ZNF804B: variants seen among roughly 807,000 people sequenced by gnomAD.
The protein encoded by ZNF804B is zinc finger 804B.
Under a neutral mutation model 101.4 loss-of-function variants are expected in ZNF804B, and 80 were observed. The observed-to-expected ratio is 0.79, with a 90% CI of 0.66 to 0.95. The LOEUF is 0.95. Ranked by LOEUF, ZNF804B falls within the 40% of genes least tolerant of loss-of-function variation. The probability of loss-of-function intolerance (pLI) is 0.00; values close to 1 mark genes in which losing one functional copy is unlikely to be tolerated. For synonymous variants in ZNF804B, 622 were observed against 558.8 expected, an observed-to-expected ratio of 1.11 and a Z score of -1.59; for missense variants, 1,673 against 1,561.9, an observed-to-expected ratio of 1.07 and a Z score of -1.20.
At chr7:88,896,290 T>A (rs568468823) in intron 1 of ZNF804B, among the ~76,000 whole-genome samples, 14 of 152,290 alleles carry the variant, frequency 9.2e-5, no homozygotes, top group African/African-American at 3.4e-4. Flanking sequence ...TAATATAAGA[T>A]GCCAGTAATA....
chr7:88,924,195 G>A (rs771559487), intron 1 of ZNF804B, among the ~76,000 whole-genome samples: 1 of 151,958 alleles, frequency 6.6e-6, no homozygotes, highest in African/African-American at 2.4e-5. Flanking sequence ...TACAATTTAT[G>A]TATGTTCTTG....
intron 1 of ZNF804B, among the ~76,000 whole-genome samples, chr7:88,838,225 G>A (rs1255885597): frequency 6.6e-6 from 1 of 151,714 alleles, no homozygotes; most frequent in Admixed American, 6.6e-5. Flanking sequence ...TTGTTTGTAA[G>A]GAAAGTACAA....
intron 2 of ZNF804B, among the ~76,000 whole-genome samples, chr7:89,321,633 GAA>G (rs1266563822): frequency 1.3e-5 from 2 of 151,760 alleles, no homozygotes; most frequent in Non-Finnish European, 2.9e-5. Flanking sequence ...AGAAAAAAGA[GAA>G]AAGAGAGAAA....
intron 1 of ZNF804B, among the ~76,000 whole-genome samples, chr7:88,788,486 C>T (rs917473272): frequency 3.3e-5 from 5 of 152,106 alleles, no homozygotes; most frequent in East Asian, 3.9e-4. Flanking sequence ...CACTGACCAC[C>T]GAATGTAAAC....
intron 1 of ZNF804B, among the ~76,000 whole-genome samples, chr7:88,863,632 T>C (rs979234): frequency 0.028 from 4,312 of 152,218 alleles, 216 homozygotes; most frequent in African/African-American, 0.098. Context: ...ACAAGGTGAT[T>C]TGGTAAAAAG....
intron 1 of ZNF804B, among the ~76,000 whole-genome samples, chr7:89,115,283 G>A (rs1191304710): frequency 6.6e-6 from 1 of 152,120 alleles, no homozygotes; most frequent in Non-Finnish European, 1.5e-5. Flanking sequence ...CCAAACATGG[G>A]CCAGAAGACC....
At chr7:88,813,731 T>C (rs1790829324) in intron 1 of ZNF804B, among the ~76,000 whole-genome samples, 1 of 152,202 alleles carries the variant, frequency 6.6e-6, no homozygotes, top group Non-Finnish European at 1.5e-5. Context: ...ACCCGTCCTT[T>C]TTGAAATGTA....
intron 2 of ZNF804B, among the ~76,000 whole-genome samples, chr7:89,307,609 A>G (rs1185210535): frequency 6.6e-6 from 1 of 152,082 alleles, no homozygotes; most frequent in Non-Finnish European, 1.5e-5. Context: ...TAAAAGAAAC[A>G]GTATATAAAA....
intron 2 of ZNF804B, among the ~76,000 whole-genome samples, chr7:89,325,585 AG>A (rs1307224267): frequency 1.3e-5 from 2 of 152,026 alleles, no homozygotes; most frequent in Non-Finnish European, 2.9e-5. Context: ...CAAAAATAAA[AG>A]TATAGTCCTG....
chr7:88,895,525 A>G (rs962806957), intron 1 of ZNF804B, among the ~76,000 whole-genome samples: 3 of 152,220 alleles, frequency 2.0e-5, no homozygotes, highest in Admixed American at 2.0e-4. Context: ...CCTAGAAGCG[A>G]TGATACCCCA....
intron 1 of ZNF804B, among the ~76,000 whole-genome samples, chr7:88,890,589 G>A (rs1457702553): frequency 6.6e-5 from 10 of 152,132 alleles, no homozygotes; most frequent in Admixed American, 5.9e-4. Context: ...GTAGATTTCT[G>A]TGCAGTTTTA....
At chr7:89,047,241 T>C (rs1789124109) in intron 1 of ZNF804B, among the ~76,000 whole-genome samples, 1 of 152,186 alleles carries the variant, frequency 6.6e-6, no homozygotes, top group African/African-American at 2.4e-5. Flanking sequence ...AGTGATGTAG[T>C]AATATTTACT....
At chr7:88,867,279 G>A (rs147192826) in intron 1 of ZNF804B, among the ~76,000 whole-genome samples, 1 of 152,332 alleles carries the variant, frequency 6.6e-6, no homozygotes, top group African/African-American at 2.4e-5. Context: ...CTGTCTGCAA[G>A]CTGGAGAACC....
rs189108870 is a variant in ZNF804B, at chr7:88,989,087, A to G, written c.108+229003A>G. On this transcript the variant is annotated intron_variant, in intron 1 of 3. Transcript: ENST00000333190. Reference sequence around the variant, plus strand: ...CACTATGCTGGAGTGCAGTGGCATGATCTCGGCTCACTGCAACCTCTGCCT... The same window carrying G: ...CACTATGCTGGAGTGCAGTGGCATGGTCTCGGCTCACTGCAACCTCTGCCT... Among the ~76,000 whole-genome samples, 555 of 152,108 alleles carry G rather than the reference A, an allele frequency of 3.6e-3. 2 individuals carry two copies. The highest frequency in any genetic ancestry group is 0.013 in the African/African-American group (536 of 41,494).
chr7:88,951,514 G>A (rs1214161525), intron 1 of ZNF804B, among the ~76,000 whole-genome samples: 1 of 151,832 alleles, frequency 6.6e-6, no homozygotes, highest in Non-Finnish European at 1.5e-5. Context: ...AATTGATTCT[G>A]CAATGATAGC....
intron 1 of ZNF804B, among the ~76,000 whole-genome samples, chr7:89,163,649 GCATTGGT>G (rs1791100248): frequency 6.6e-6 from 1 of 150,976 alleles, no homozygotes; most frequent in African/African-American, 2.4e-5. Flanking sequence ...AACGGAAACA[GCATTGGT>G]CACTTTTAGC....
intron 2 of ZNF804B, among the ~76,000 whole-genome samples, chr7:89,220,755 G>C (rs1293877154): frequency 1.3e-5 from 2 of 151,922 alleles, no homozygotes; most frequent in Admixed American, 1.3e-4. Context: ...TGAGTTCATT[G>C]AAATTAGGAT....
intron 1 of ZNF804B, among the ~76,000 whole-genome samples, chr7:88,881,073 A>G (rs1320500252): frequency 2.0e-5 from 3 of 152,094 alleles, no homozygotes; most frequent in Admixed American, 6.6e-5. Context: ...TTTTAAAGAT[A>G]AAATGAATAA....
intron 1 of ZNF804B, among the ~76,000 whole-genome samples, chr7:89,131,569 A>G (rs1790547751): frequency 6.6e-6 from 1 of 152,106 alleles, no homozygotes; most frequent in Admixed American, 6.6e-5. Context: ...CACAACACCA[A>G]ATTTGCAACA....
Sources: gnomAD v4.1 joint callset for allele counts (sites outside exome capture counted in the v4.1 genomes callset) on GRCh38, gnomAD v4.1.1 for gene constraint, MANE v1.5 for transcripts, NCBI Gene and HGNC (gene_info 2026-07-23, HGNC 2026-07-21) for gene names.